FGF10: variants seen among roughly 807,000 people sequenced by gnomAD.
FGF10 encodes fibroblast growth factor 10.
Under a neutral mutation model 19.8 loss-of-function variants are expected in FGF10, and 2 were observed. That is an observed-to-expected ratio of 0.10 (90% confidence interval 0.04 to 0.32). The LOEUF is 0.32. FGF10 is among the 10% of genes least tolerant of loss of function. FGF10 has a pLI of 1.00. For missense variants in FGF10, 191 were observed against 246.3 expected (o/e 0.78, Z 1.50); for synonymous variants, 112 against 94.0 (o/e 1.19, Z -1.10).
chr5:44,323,607 G>T (rs1365405280), intron 1 of FGF10, among the ~76,000 whole-genome samples: 1 of 152,060 alleles, frequency 6.6e-6, no homozygotes, highest in Non-Finnish European at 1.5e-5. Context: ...TGTGGGAAAT[G>T]GATTGTTAGG....
intron 1 of FGF10, among the ~76,000 whole-genome samples, chr5:44,371,099 C>T (rs1741731859): frequency 6.6e-6 from 1 of 152,016 alleles, no homozygotes; most frequent in Non-Finnish European, 1.5e-5. Flanking sequence ...GCACCAGGAA[C>T]CAAAAGGTGA....
intron 2 of FGF10, 101 bp downstream of exon 2, chr5:44,310,326 A>G (rs1328352881): frequency 1.3e-6 from 1 of 776,796 alleles, no homozygotes; most frequent in East Asian, 2.8e-5. Flanking sequence ...ATTTACTAGC[A>G]ATAGAAGGAT....
chr5:44,300,919 G>A lies in FGF10; in HGVS notation c.*4076C>T, dbSNP rs1739953457. 6.6e-6 allele frequency among the ~76,000 whole-genome samples: 1 copy of A among 152,052 alleles called. No homozygotes were observed. The highest frequency in any genetic ancestry group is 2.1e-4 in the South Asian group (1 of 4,824). ...GATGTTTACCTTTTTGGATCTTGTA[G>A]TAAAGGAGTTTGGGGTTTTGGGTTT... On this transcript the variant is annotated 3_prime_UTR_variant, in exon 3 of 3. Coordinates refer to ENST00000264664, the MANE Select transcript of FGF10 (RefSeq NM_004465.2).
chr5:44,375,193 T>C (rs1227053361), intron 1 of FGF10, among the ~76,000 whole-genome samples: 1 of 152,180 alleles, frequency 6.6e-6, no homozygotes, highest in African/African-American at 2.4e-5. Flanking sequence ...AGTGCATGCA[T>C]GTAAAAGTCA....
chr5:44,329,493 TAGA>T (rs1740684792), intron 1 of FGF10, among the ~76,000 whole-genome samples: 1 of 152,232 alleles, frequency 6.6e-6, no homozygotes, highest in East Asian at 1.9e-4. Flanking sequence ...TCTATATTTG[TAGA>T]AGTAGATCTT....
intron 1 of FGF10, among the ~76,000 whole-genome samples, chr5:44,316,532 C>G (rs1740354706): frequency 6.6e-6 from 1 of 152,140 alleles, no homozygotes; most frequent in African/African-American, 2.4e-5. Context: ...TATTTCCAAA[C>G]AGTGCTGATT....
In FGF10 at chr5:44,305,190, T is replaced by C. The variant is rs201583021; in HGVS notation, c.432A>G (p.Lys144=). ...TCAGCTTACAGTCATTGTTAAATTC[T>C]TTCTGCAAAGGAAAAACAGAATCTT... ...MNKKGKLYGS[K]EFNNDCKLKE... The change falls in exon 3 of 3, where the codon AAA becomes AAG. Residue 144 remains lysine, a splice_region_variant and synonymous_variant. Transcript: ENST00000264664. 3 of 1,613,322 alleles carry C rather than the reference T, an allele frequency of 1.9e-6. No individual in the cohort carries two copies. The highest frequency in any genetic ancestry group is 1.7e-4 in the Middle Eastern group (1 of 6,052).
chr5:44,340,563 T>C (rs1740947421), intron 1 of FGF10, among the ~76,000 whole-genome samples: 1 of 152,110 alleles, frequency 6.6e-6, no homozygotes, highest in South Asian at 2.1e-4. Context: ...TATTGTCTTT[T>C]ATCAGTATAA....
At chr5:44,354,568 C>T (rs745681363) in intron 1 of FGF10, among the ~76,000 whole-genome samples, 1 of 151,336 alleles carries the variant, frequency 6.6e-6, no homozygotes, top group African/African-American at 2.4e-5. Flanking sequence ...TAAGCATCAC[C>T]GCGCAGATGT....
intron 1 of FGF10, among the ~76,000 whole-genome samples, chr5:44,362,754 G>T (rs1473145720): frequency 1.3e-5 from 2 of 151,276 alleles, no homozygotes; most frequent in African/African-American, 2.4e-5. Context: ...TTTACCCTCT[G>T]CTAAAGAAAT....
intron 1 of FGF10, among the ~76,000 whole-genome samples, chr5:44,345,633 C>CAAAA (rs199895920): frequency 7.4e-6 from 1 of 134,430 alleles, no homozygotes. Flanking sequence ...TTTCTCAGCT[C>CAAAA]AAAAAAAAAA....
At chr5:44,370,990 T>A (rs559320825) in intron 1 of FGF10, among the ~76,000 whole-genome samples, 2 of 152,174 alleles carry the variant, frequency 1.3e-5, no homozygotes, top group South Asian at 4.2e-4. Flanking sequence ...TGTTGAAAAA[T>A]CCTTCAGAAT....
chr5:44,302,282 G>GCTTCCTTCCTTCCTTCCTTCCTTC lies in FGF10; in HGVS notation c.*2689_*2712dup, dbSNP rs56194673. Among the ~76,000 whole-genome samples, 1 of 122,108 alleles carries GCTTCCTTCCTTCCTTCCTTCCTTC rather than the reference G, an allele frequency of 8.2e-6. No homozygotes were observed. Among genetic ancestry groups the GCTTCCTTCCTTCCTTCCTTCCTTC allele is most frequent in the African/African-American group, 3.2e-5 (1 of 31,046 alleles). The allele number at this position is 122,108 out of a possible 152,430, so 80.1% of individuals were successfully genotyped here. On this transcript the variant is annotated 3_prime_UTR_variant, in exon 3 of 3. Coordinates refer to ENST00000264664, the MANE Select transcript of FGF10 (RefSeq NM_004465.2). Reference sequence around the variant, plus strand: ...TCTTTCCTTCCTTCCTTCTTTCCTTGCTTCCTTCCTTCCTTCCTTCCTTCC... The same window carrying GCTTCCTTCCTTCCTTCCTTCCTTC: ...TCTTTCCTTCCTTCCTTCTTTCCTTGCTTCCTTCCTTCCTTCCTTCCTTCCTTCCTTCCTTCCTTCCTTCCTTCC...
chr5:44,366,545 A>T (rs560573707), intron 1 of FGF10, among the ~76,000 whole-genome samples: 5 of 152,064 alleles, frequency 3.3e-5, no homozygotes, highest in African/African-American at 1.2e-4. Flanking sequence ...TATTTAAGTG[A>T]ATTAGTCTGT....
chr5:44,364,552 G>A (rs1347197526), intron 1 of FGF10, among the ~76,000 whole-genome samples: 9 of 151,768 alleles, frequency 5.9e-5, no homozygotes, highest in Admixed American at 2.6e-4. Context: ...TACCTGGTTC[G>A]AAATAGTGCT....
chr5:44,304,799 A>T lies in FGF10; in HGVS notation c.*196T>A, dbSNP rs974290788. 1 of 597,368 alleles carries T rather than the reference A, an allele frequency of 1.7e-6. No homozygotes were observed. The allele number at this position is 597,368 out of a possible 1,614,324, so 37.0% of individuals were successfully genotyped here. On this transcript the variant is annotated 3_prime_UTR_variant, in exon 3 of 3. Transcript: ENST00000264664. The stretch of plus-strand genomic sequence containing the variant: ...GATCTGCCTATATCTTGATTATAAG[A>T]CATGACACAGAACTAATTAAAAGAA...
At chr5:44,381,409 A>G (rs1213146990) in intron 1 of FGF10, among the ~76,000 whole-genome samples, 2 of 152,284 alleles carry the variant, frequency 1.3e-5, no homozygotes, top group South Asian at 2.1e-4. Context: ...AAGTAATACT[A>G]ATGAATGACT....
chr5:44,318,886 A>C (rs929927354), intron 1 of FGF10, among the ~76,000 whole-genome samples: 5 of 152,196 alleles, frequency 3.3e-5, no homozygotes, highest in Non-Finnish European at 5.9e-5. Flanking sequence ...TTTAAAAAAT[A>C]CTTGTTATTT....
At chr5:44,370,294 G>T (rs1390598952) in intron 1 of FGF10, among the ~76,000 whole-genome samples, 1 of 152,068 alleles carries the variant, frequency 6.6e-6, no homozygotes, top group Non-Finnish European at 1.5e-5. Context: ...CTTATCTGTG[G>T]GCATTCTATC....
Sources: gnomAD v4.1 joint callset for allele counts (sites outside exome capture counted in the v4.1 genomes callset) on GRCh38, gnomAD v4.1.1 for gene constraint, MANE v1.5 for transcripts, NCBI Gene and HGNC (gene_info 2026-07-23, HGNC 2026-07-21) for gene names.